Variants in DMD observed in about 807,000 individuals in gnomAD.
DMD encodes dystrophin, also known as mutant dystrophin.
In DMD, 63 loss-of-function variants were observed where a neutral mutation model predicts 330.1. The observed-to-expected ratio is 0.19, with a 90% CI of 0.16 to 0.24. DMD has a LOEUF of 0.24. Among genes scored for constraint, DMD ranks in the 10% least tolerant of loss-of-function variants. The probability of loss-of-function intolerance (pLI) is 1.00; values close to 1 mark genes in which losing one functional copy is unlikely to be tolerated. For missense variants in DMD, 3,344 were observed against 2,684.1 expected, an observed-to-expected ratio of 1.25 and a Z score of -5.43; for synonymous variants, 1,223 against 959.8, an observed-to-expected ratio of 1.27 and a Z score of -5.07.
intron 1 of DMD, among the ~76,000 whole-genome samples, chrX:33,132,972 C>T (rs1177004405): frequency 8.9e-6 from 1 of 111,847 alleles, no homozygotes; most frequent in African/African-American, 3.3e-5. Flanking sequence ...GATAATCACT[C>T]ACATTTCCCA....
At chrX:32,690,201 A>G (rs1009230561) in intron 9 of DMD, among the ~76,000 whole-genome samples, 4 of 111,614 alleles carry the variant, frequency 3.6e-5, no homozygotes, top group African/African-American at 1.3e-4. Flanking sequence ...AAATCAGTAA[A>G]GTTGTAGGAT....
rs757071915 is a variant in DMD, at chrX:32,699,220, T to C, written c.723A>G (p.Gln241=). 2.5e-6 allele frequency: 3 copies of C among 1,208,090 alleles called. No homozygotes were observed. The highest frequency in any genetic ancestry group is 3.4e-6 in the Non-Finnish European group (3 of 893,572). The change falls in exon 8 of 79, where the codon CAA becomes CAG. Residue 241 remains glutamine (Q), a synonymous_variant. Coordinates refer to ENST00000357033, the MANE Select transcript of DMD (RefSeq NM_004006.3). Reference sequence around the variant, plus strand: ...CCTGGATGGCTTCAATGCTCACTTGTTGAGGCAAAACTTGGAAGAGTGATG... The same window carrying C: ...CCTGGATGGCTTCAATGCTCACTTGCTGAGGCAAAACTTGGAAGAGTGATG... ...YITSLFQVLP[Q]QVSIEAIQEV...
intron 44 of DMD, among the ~76,000 whole-genome samples, chrX:31,975,119 A>G (rs1186743577): frequency 1.8e-5 from 2 of 110,797 alleles, no homozygotes; most frequent in African/African-American, 6.6e-5. Context: ...TGAGGAAAAT[A>G]TAAATATGTT....
chrX:32,659,097 TAAC>T (rs2060782986), intron 9 of DMD, among the ~76,000 whole-genome samples: 1 of 112,029 alleles, frequency 8.9e-6, no homozygotes, highest in Admixed American at 9.5e-5. Flanking sequence ...AATAGAGAAC[TAAC>T]AACAATAAAG....
chrX:32,147,412 A>C (rs1936016561), intron 44 of DMD, among the ~76,000 whole-genome samples: 1 of 112,033 alleles, frequency 8.9e-6, no homozygotes, highest in Admixed American at 9.5e-5. Flanking sequence ...AAAAAATTAT[A>C]TACTTTACTG....
intron 41 of DMD, among the ~76,000 whole-genome samples, chrX:32,335,709 ATG>A (rs369918413): frequency 5.3e-4 from 40 of 75,028 alleles, no homozygotes; most frequent in Admixed American, 6.4e-4. Flanking sequence ...TATACATAAC[ATG>A]TATATATAAC....
chrX:31,580,661 A>C (rs1204569293), intron 55 of DMD, among the ~76,000 whole-genome samples: 1 of 112,211 alleles, frequency 8.9e-6, no homozygotes, highest in Non-Finnish European at 1.9e-5. Flanking sequence ...AAACAAAACA[A>C]GATTTACCAT....
At chrX:31,567,797 A>G (rs1159309572) in intron 55 of DMD, among the ~76,000 whole-genome samples, 1 of 111,119 alleles carries the variant, frequency 9.0e-6, no homozygotes, top group Non-Finnish European at 1.9e-5. Flanking sequence ...AAGAACCAAC[A>G]TTTTATTGAG....
chrX:32,868,794 G>A (rs1215824445), intron 2 of DMD, among the ~76,000 whole-genome samples: 1 of 111,950 alleles, frequency 8.9e-6, no homozygotes, highest in Non-Finnish European at 1.9e-5. Flanking sequence ...CATGGTCTCC[G>A]CAGATCAGCG....
intron 50 of DMD, among the ~76,000 whole-genome samples, chrX:31,802,408 T>C (rs2092111597): frequency 9.0e-6 from 1 of 111,311 alleles, no homozygotes; most frequent in Non-Finnish European, 1.9e-5. Context: ...ATAAAGCATG[T>C]TTTCTCTAGG....
chrX:32,726,191 T>A (rs888558841), intron 7 of DMD, among the ~76,000 whole-genome samples: 1 of 111,290 alleles, frequency 9.0e-6, no homozygotes, highest in East Asian at 2.8e-4. Context: ...GGTTAGCAAA[T>A]CAACCCATGA....
intron 41 of DMD, among the ~76,000 whole-genome samples, chrX:32,333,713 A>C (rs907415771): frequency 3.6e-5 from 4 of 111,083 alleles, no homozygotes; most frequent in Non-Finnish European, 7.5e-5. Context: ...GGATTTATTT[A>C]TTCCCCTTTA....
intron 2 of DMD, among the ~76,000 whole-genome samples, chrX:32,936,112 TC>T (rs1368872112): frequency 4.1e-4 from 29 of 70,176 alleles, no homozygotes; most frequent in Admixed American, 4.0e-3. Context: ...TACTTGTATC[TC>T]TTTTTTTTTT....
chrX:32,347,286 C>CA (rs1166359481), intron 38 of DMD, among the ~76,000 whole-genome samples: 2 of 111,379 alleles, frequency 1.8e-5, no homozygotes, highest in African/African-American at 6.5e-5. Flanking sequence ...GGGCTGAGGA[C>CA]AAAAACAACA....
At chrX:32,734,873 C>G (rs2068223758) in intron 7 of DMD, among the ~76,000 whole-genome samples, 1 of 102,933 alleles carries the variant, frequency 9.7e-6, no homozygotes, top group Admixed American at 1.0e-4. Flanking sequence ...GATGCCCTCT[C>G]TCACCACTCC....
intron 60 of DMD, among the ~76,000 whole-genome samples, chrX:31,366,922 T>C (rs1381509189): frequency 9.0e-6 from 1 of 110,996 alleles, no homozygotes; most frequent in East Asian, 2.8e-4. Flanking sequence ...TCTCCATCCA[T>C]ATCTCTAAAT....
intron 57 of DMD, among the ~76,000 whole-genome samples, chrX:31,495,734 T>A: frequency 9.0e-6 from 1 of 111,538 alleles, no homozygotes; most frequent in Non-Finnish European, 1.9e-5. Flanking sequence ...GAAGGAATGG[T>A]AGAGATAGGC....
chrX:33,037,884 C>A, intron 1 of DMD, among the ~76,000 whole-genome samples: 1 of 111,708 alleles, frequency 9.0e-6, no homozygotes, highest in Non-Finnish European at 1.9e-5. Context: ...TTGCAGAAAC[C>A]ATTTTGATTT....
intron 29 of DMD, among the ~76,000 whole-genome samples, chrX:32,437,573 A>G (rs964721891): frequency 1.8e-5 from 2 of 112,041 alleles, no homozygotes; most frequent in African/African-American, 6.5e-5. Context: ...TTTTTAAGTT[A>G]TGAAGGTTAG....
Sources: allele counts gnomAD v4.1 joint callset (sites outside exome capture counted in the v4.1 genomes callset), GRCh38; gene constraint gnomAD v4.1.1; transcripts MANE v1.5; gene names NCBI Gene and HGNC (gene_info 2026-07-23, HGNC 2026-07-21).